The following GNB5 variants were observed in gnomAD, a reference collection of about 807,000 sequenced individuals.
GNB5 encodes the protein G protein subunit beta 5.
In GNB5, 37 loss-of-function variants were observed where a neutral mutation model predicts 55.3. That is an observed-to-expected ratio of 0.67 (90% CI 0.51 to 0.88). The LOEUF is 0.88. Among genes scored for constraint, GNB5 ranks in the 40% least tolerant of loss-of-function variants. The probability of loss-of-function intolerance (pLI) is 0.00; values close to 1 mark genes in which losing one functional copy is unlikely to be tolerated. For missense variants in GNB5, 476 were observed against 515.3 expected, an observed-to-expected ratio of 0.92 and a Z score of 0.74; for synonymous variants, 219 against 198.5, an observed-to-expected ratio of 1.10 and a Z score of -0.87.
chr15:52,175,713 T>C (rs574443110), intron 3 of GNB5, among the ~76,000 whole-genome samples: 5 of 150,598 alleles, frequency 3.3e-5, no homozygotes, highest in Admixed American at 6.7e-5. Context: ...GACTCTAGCC[T>C]GGGCGACAGA....
At chr15:52,159,663 T>C (rs900307109) in intron 3 of GNB5, among the ~76,000 whole-genome samples, 19 of 152,290 alleles carry the variant, frequency 1.2e-4, no homozygotes, top group Admixed American at 7.8e-4. Flanking sequence ...CCAGAATCTC[T>C]ACTATGTGCC....
In GNB5 at chr15:52,119,711, TATC is replaced by T. The variant is rs2033221403; in HGVS notation, c.*3043_*3045del. 2 of 152,004 alleles carry T rather than the reference TATC, an allele frequency of 1.3e-5. No homozygotes were observed. The highest frequency in any genetic ancestry group is 2.9e-5 in the Non-Finnish European group (2 of 68,016). The allele number at this position is 152,004 out of a possible 1,614,324, so 9.4% of individuals were successfully genotyped here. A position where few individuals can be genotyped will look rare whatever the true frequency, so the allele number is the denominator to read the frequency against. On this transcript the variant is annotated 3_prime_UTR_variant, in exon 13 of 13. Transcript: ENST00000261837. ...CTGAGGCTGAGAAAAACTCAGATATTATCATATATTCTGTGACCGTGACAGAGG... is the reference window on the plus strand; with the variant it reads ...CTGAGGCTGAGAAAAACTCAGATATTATATATTCTGTGACCGTGACAGAGG...
At chr15:52,175,407 C>T (rs2034631108) in intron 3 of GNB5, among the ~76,000 whole-genome samples, 1 of 152,172 alleles carries the variant, frequency 6.6e-6, no homozygotes, top group South Asian at 2.1e-4. Flanking sequence ...GGCTGGGAAT[C>T]TCAGCTGGGC....
At chr15:52,177,766 AGGCTTTATGCGG>A (rs1331407413) in intron 3 of GNB5, among the ~76,000 whole-genome samples, 2 of 152,118 alleles carry the variant, frequency 1.3e-5, no homozygotes, top group African/African-American at 4.8e-5. Context: ...CAAGAAGCAA[AGGCTTTATGCGG>A]GGTAGAAGAG....
chr15:52,138,695 A>G (rs1301829889), intron 7 of GNB5: 2 of 152,196 alleles, frequency 1.3e-5, no homozygotes, highest in Non-Finnish European at 2.9e-5. Flanking sequence ...TGCTTTCCTA[A>G]TAACACTTGC....
rs2034397544 is a variant in GNB5, at chr15:52,164,055, G to A, written c.239-9979C>T. On this transcript the variant is annotated intron_variant, in intron 3 of 12. Transcript: ENST00000261837. ...ACGGTGGCTCACACCTATAATTCCA[G>A]CACTTTGGGAGGCCGAGGCAAGAGG... Among the ~76,000 whole-genome samples, 3 of 152,276 alleles carry A rather than the reference G, an allele frequency of 2.0e-5. No individual in the cohort carries two copies. The South Asian group carries it at 6.2e-4, about 32-fold the overall frequency.
At chr15:52,181,004 C>A (rs942550872) in intron 2 of GNB5, 6 of 152,200 alleles carry the variant, frequency 3.9e-5, no homozygotes, top group African/African-American at 1.4e-4. Flanking sequence ...CCAACTCAAG[C>A]CTTCTCCTTT....
chr15:52,149,503 C>CG (rs2034045915), intron 5 of GNB5: 1 of 496,512 alleles, frequency 2.0e-6, no homozygotes, highest in Non-Finnish European at 3.6e-6. Flanking sequence ...TTCATTCCCA[C>CG]AGGGCTATGG....
intron 3 of GNB5, among the ~76,000 whole-genome samples, chr15:52,179,566 G>T (rs2034723689): frequency 6.6e-6 from 1 of 151,650 alleles, no homozygotes; most frequent in Admixed American, 6.6e-5. Context: ...CCCTCCGAGG[G>T]CCCCACCGCC....
chr15:52,132,864 G>C (rs1467214604), intron 9 of GNB5, among the ~76,000 whole-genome samples: 3 of 151,898 alleles, frequency 2.0e-5, no homozygotes, highest in East Asian at 1.9e-4. Context: ...TCTTCCCCCA[G>C]CTCTTTGCTT....
intron 6 of GNB5, among the ~76,000 whole-genome samples, chr15:52,144,955 ATTTG>A (rs1462120244): frequency 6.6e-6 from 1 of 152,158 alleles, no homozygotes; most frequent in African/African-American, 2.4e-5. Context: ...GTTGGTTCTA[ATTTG>A]TACCCTTACA....
chr15:52,147,194 G>A, intron 6 of GNB5: 1 of 274,016 alleles, frequency 3.6e-6, no homozygotes, highest in Non-Finnish European at 6.9e-6. Context: ...TAAAGAGATG[G>A]GGTCTTGCTA....
chr15:52,171,217 A>G (rs955520229), intron 3 of GNB5, among the ~76,000 whole-genome samples: 2 of 152,120 alleles, frequency 1.3e-5, no homozygotes, highest in African/African-American at 2.4e-5. Flanking sequence ...AAGGTTCCAT[A>G]TAAGAATTTT....
intron 3 of GNB5, 85 bp downstream of exon 3, chr15:52,179,683 A>AC: frequency 4.0e-6 from 3 of 756,420 alleles, no homozygotes; most frequent in Non-Finnish European, 5.4e-6. Flanking sequence ...CGCAGCCACG[A>AC]CCGCCCCCAC....
intron 7 of GNB5, 144 bp downstream of exon 7, chr15:52,140,996 G>T: frequency 1.6e-6 from 1 of 624,356 alleles, no homozygotes; most frequent in Non-Finnish European, 2.8e-6. Flanking sequence ...AATAACTAAT[G>T]AGAAACAATA....
chr15:52,137,100 C>G, intron 7 of GNB5: 1 of 567,138 alleles, frequency 1.8e-6, no homozygotes, highest in Admixed American at 3.4e-5. Flanking sequence ...CCCTGAAATC[C>G]TCTAAGTACC....
At chr15:52,149,111 G>T (rs2034038312) in intron 5 of GNB5, among the ~76,000 whole-genome samples, 1 of 152,176 alleles carries the variant, frequency 6.6e-6, no homozygotes, top group African/African-American at 2.4e-5. Context: ...CTACAAAATG[G>T]TTTCGGCCCC....
chr15:52,126,246 T>C, intron 10 of GNB5: 1 of 468,842 alleles, frequency 2.1e-6, no homozygotes, highest in Non-Finnish European at 3.8e-6. Context: ...CTGATTCCTA[T>C]TAATCTCTAT....
intron 3 of GNB5, among the ~76,000 whole-genome samples, chr15:52,160,268 T>C (rs2034303156): frequency 6.6e-6 from 1 of 152,194 alleles, no homozygotes; most frequent in African/African-American, 2.4e-5. Context: ...CTTCTTAATG[T>C]CTACTTTAGT....
Sources: gnomAD v4.1 joint callset for allele counts (sites outside exome capture counted in the v4.1 genomes callset) on GRCh38, gnomAD v4.1.1 for gene constraint, MANE v1.5 for transcripts, NCBI Gene and HGNC (gene_info 2026-07-23, HGNC 2026-07-21) for gene names.